LUZP2: variants seen among roughly 807,000 people sequenced by gnomAD.
LUZP2 encodes leucine zipper protein 2.
Under a neutral mutation model 51.6 loss-of-function variants are expected in LUZP2, and 52 were observed. The ratio of observed to expected loss-of-function variants is 1.01; its 90% CI spans 0.81 to 1.27. LUZP2 has a LOEUF of 1.27. LUZP2 is among the 50% of genes most tolerant of loss of function. The probability of loss-of-function intolerance (pLI) is 0.00; values close to 1 mark genes in which losing one functional copy is unlikely to be tolerated. For synonymous variants in LUZP2, 154 were observed against 137.3 expected, an observed-to-expected ratio of 1.12 and a Z score of -0.85; for missense variants, 436 against 395.4, an observed-to-expected ratio of 1.10 and a Z score of -0.87.
rs1856837593 is a variant in LUZP2, at chr11:24,684,428, TGTA to T, written c.63-44738_63-44736del. On this transcript the variant is annotated intron_variant, in intron 1 of 11. Coordinates refer to ENST00000336930, the MANE Select transcript of LUZP2 (RefSeq NM_001009909.4). The stretch of plus-strand genomic sequence containing the variant: ...GCTCTTTCATGGATGTGCATTTGCT[TGTA>T]GTGTTCCTTCTGTCCTACAGATTTC... Among the ~76,000 whole-genome samples the T allele has an allele frequency of 2.0e-5, 3 of 152,192 alleles. No individual in the cohort carries two copies. In the South Asian group the frequency reaches 6.2e-4, roughly 31 times the overall value.
At chr11:24,568,355 GAA>G in intron 1 of LUZP2, among the ~76,000 whole-genome samples, 1 of 127,290 alleles carries the variant, frequency 7.9e-6, no homozygotes, top group Admixed American at 7.8e-5. Flanking sequence ...ATCTGTCTCA[GAA>G]AAAAAAAAAA....
intron 9 of LUZP2, among the ~76,000 whole-genome samples, chr11:25,033,495 C>T (rs938429392): frequency 5.3e-5 from 8 of 152,010 alleles, no homozygotes; most frequent in African/African-American, 1.2e-4. Flanking sequence ...TGTGTGATGT[C>T]GAGGCTTGGG....
At chr11:24,843,465 A>G (rs1480332803) in intron 5 of LUZP2, among the ~76,000 whole-genome samples, 1 of 152,186 alleles carries the variant, frequency 6.6e-6, no homozygotes, top group Admixed American at 6.6e-5. Context: ...AATTGTAAAC[A>G]AAATAATGTG....
intron 1 of LUZP2, among the ~76,000 whole-genome samples, chr11:24,667,282 G>C (rs995389153): frequency 1.4e-5 from 2 of 146,582 alleles, no homozygotes; most frequent in Non-Finnish European, 3.0e-5. Flanking sequence ...CTCCCGGATT[G>C]AAGCGATTCT....
intron 5 of LUZP2, among the ~76,000 whole-genome samples, chr11:24,872,730 T>C (rs1212008029): frequency 6.6e-6 from 1 of 152,264 alleles, no homozygotes; most frequent in Non-Finnish European, 1.5e-5. Context: ...TATGACTATA[T>C]GGCATATGCA....
At chr11:25,026,242 G>C (rs986064621) in intron 9 of LUZP2, among the ~76,000 whole-genome samples, 2 of 152,012 alleles carry the variant, frequency 1.3e-5, no homozygotes, top group Non-Finnish European at 2.9e-5. Flanking sequence ...GTATACATAT[G>C]TAACAAACCT....
In LUZP2 at chr11:25,040,343, A is replaced by ATTTTTTTTTTTTTTTTTTTTTTTTT. The variant is rs57668112; in HGVS notation, c.766-9675_766-9674insTTTTTTTTTTTTTTTTTTTTTTTTT. Among the ~76,000 whole-genome samples, 60 of 98,820 alleles carry ATTTTTTTTTTTTTTTTTTTTTTTTT rather than the reference A, an allele frequency of 6.1e-4. 14 individuals carry two copies. The highest frequency in any genetic ancestry group is 3.1e-3 in the African/African-American group (53 of 17,198). 64.8% of individuals were successfully genotyped at this position (98,820 alleles called of 152,430 possible). ...AGAGAGCCACTTTTCTTTCTTTCCG[A>ATTTTTTTTTTTTTTTTTTTTTTTTT]TTTTTTTTTTTTTTTTTTTTGCCAA... On this transcript the variant is annotated intron_variant, in intron 9 of 11. Transcript: ENST00000336930.
intron 9 of LUZP2, among the ~76,000 whole-genome samples, chr11:25,001,543 G>C (rs1856681322): frequency 6.6e-6 from 1 of 152,138 alleles, no homozygotes; most frequent in African/African-American, 2.4e-5. Flanking sequence ...GTGTTTTCAG[G>C]CTATGGCCTT....
intron 5 of LUZP2, among the ~76,000 whole-genome samples, chr11:24,765,428 C>A (rs1016704522): frequency 9.2e-5 from 14 of 152,036 alleles, no homozygotes; most frequent in Non-Finnish European, 1.8e-4. Flanking sequence ...AAGGCTAAGT[C>A]CCTCCTATGC....
At chr11:25,042,259 T>C (rs1858090995) in intron 9 of LUZP2, among the ~76,000 whole-genome samples, 1 of 41,822 alleles carries the variant, frequency 2.4e-5, no homozygotes. Context: ...ATATATTTCA[T>C]TTATTCTGGA....
intron 5 of LUZP2, among the ~76,000 whole-genome samples, chr11:24,870,172 A>T (rs1283021040): frequency 6.6e-6 from 1 of 152,154 alleles, no homozygotes; most frequent in East Asian, 1.9e-4. Context: ...GTAAAGGAAA[A>T]GTTTGAGCTA....
Position 25,054,032 on chromosome 11 carries a change from G to A in LUZP2, c.858+3902G>A, listed in dbSNP as rs190053190. On this transcript the variant is annotated intron_variant, in intron 10 of 11. Coordinates refer to ENST00000336930, the MANE Select transcript of LUZP2 (RefSeq NM_001009909.4). ...TTGTATTTCATGCTAGTCCATATTCGGCCTCCAGAAATTTATTAAAGATAT... is the reference window on the plus strand; with the variant it reads ...TTGTATTTCATGCTAGTCCATATTCAGCCTCCAGAAATTTATTAAAGATAT... Among the ~76,000 whole-genome samples, 369 of 151,928 alleles carry A rather than the reference G, an allele frequency of 2.4e-3. 1 individual carries two copies. Among genetic ancestry groups the A allele is most frequent in the African/African-American group, 8.5e-3 (353 of 41,442 alleles).
chr11:24,771,142 T>C (rs79401020), intron 5 of LUZP2, among the ~76,000 whole-genome samples: 12,212 of 152,102 alleles, frequency 0.08, 1,067 homozygotes, highest in African/African-American at 0.22. Context: ...TAATTTTTCA[T>C]GGGAAATATA....
intron 1 of LUZP2, among the ~76,000 whole-genome samples, chr11:24,727,462 G>C (rs961227564): frequency 2.0e-5 from 3 of 151,936 alleles, no homozygotes; most frequent in Non-Finnish European, 4.4e-5. Flanking sequence ...ACAAATTCAT[G>C]AGAAAAGCAC....
At chr11:24,881,349 G>A (rs553568934) in intron 5 of LUZP2, among the ~76,000 whole-genome samples, 7 of 151,660 alleles carry the variant, frequency 4.6e-5, no homozygotes, top group Non-Finnish European at 8.8e-5. Flanking sequence ...CAGAACATTC[G>A]TCTTAGCAAG....
At chr11:24,873,522 C>G (rs181971958) in intron 5 of LUZP2, among the ~76,000 whole-genome samples, 4 of 152,166 alleles carry the variant, frequency 2.6e-5, no homozygotes, top group East Asian at 3.9e-4. Flanking sequence ...TTCAGATAAC[C>G]CTTTGACTTC....
At chr11:25,011,472 C>T (rs1856981951) in intron 9 of LUZP2, among the ~76,000 whole-genome samples, 2 of 152,138 alleles carry the variant, frequency 1.3e-5, no homozygotes, top group South Asian at 4.1e-4. Context: ...AATCCATCCT[C>T]CTACTCTTGT....
At chr11:24,763,482 C>T (rs1860059921) in intron 5 of LUZP2, among the ~76,000 whole-genome samples, 174 bp downstream of exon 5, 4 of 151,958 alleles carry the variant, frequency 2.6e-5, no homozygotes, top group East Asian at 1.9e-4. Context: ...ATAATCCTTA[C>T]GTTTATATAT....
chr11:24,664,650 C>G (rs1450224849), intron 1 of LUZP2, among the ~76,000 whole-genome samples: 6 of 152,176 alleles, frequency 3.9e-5, no homozygotes, highest in African/African-American at 1.4e-4. Context: ...ATCCCAACTA[C>G]TTTCAGTTCC....
Sources: allele counts gnomAD v4.1 joint callset (sites outside exome capture counted in the v4.1 genomes callset), GRCh38; gene constraint gnomAD v4.1.1; transcripts MANE v1.5; gene names NCBI Gene and HGNC (gene_info 2026-07-23, HGNC 2026-07-21).